The following PSG1 variants were observed in gnomAD, a reference collection of about 807,000 sequenced individuals.
The protein encoded by PSG1 is pregnancy-specific beta-1-glycoprotein 1.
A neutral mutation model predicts 41.4 loss-of-function variants in PSG1; 60 were observed. The ratio of observed to expected loss-of-function variants is 1.45; its 90% confidence interval spans 1.18 to 1.80. PSG1 has a LOEUF of 1.80. PSG1 is among the 40% of genes most tolerant of loss of function. The probability of loss-of-function intolerance (pLI) is 0.00; values close to 1 mark genes in which losing one functional copy is unlikely to be tolerated. For synonymous variants in PSG1, 256 were observed against 192.9 expected, an observed-to-expected ratio of 1.33 and a Z score of -2.71; for missense variants, 806 against 516.9, an observed-to-expected ratio of 1.56 and a Z score of -5.42.
chr19:42,871,658 C>T (rs1349540418), intron 3 of PSG1, 109 bp downstream of exon 3: 3 of 1,609,860 alleles, frequency 1.9e-6, no homozygotes, highest in Non-Finnish European at 2.5e-6. Flanking sequence ...GTTTGATGTC[C>T]AGGGGTAAAG....
At chr19:42,873,171 T>C (rs1276959484) in intron 2 of PSG1, among the ~76,000 whole-genome samples, 1 of 151,734 alleles carries the variant, frequency 6.6e-6, no homozygotes, top group Non-Finnish European at 1.5e-5. Flanking sequence ...TACAGCCTCA[T>C]GCCTATACTT....
chr19:42,877,614 G>T (rs1262979265), intron 2 of PSG1, among the ~76,000 whole-genome samples: 2 of 151,652 alleles, frequency 1.3e-5, no homozygotes, highest in African/African-American at 2.4e-5. Context: ...CTTTCTCAGG[G>T]TCAAATTTAT....
Position 42,871,630 on chromosome 19 carries a change from G to A in PSG1, c.709+137C>T, listed in dbSNP as rs1022783748. The A allele has an allele frequency of 1.0e-5, 16 of 1,598,430 alleles. 1 individual carries two copies. The highest frequency in any genetic ancestry group is 1.7e-5 in the Admixed American group (1 of 59,554). The stretch of plus-strand genomic sequence containing the variant: ...CTAGGTCTACTCTGGTTTGCCTGGG[G>A]CACAAAGTCATGGCCAGGTTTGATG... On this transcript the variant is annotated intron_variant, in intron 3 of 5. Transcript: ENST00000436291.
In PSG1 at chr19:42,867,914, A is replaced by G. The variant is rs912932800; in HGVS notation, c.1243+187T>C. ...GGTCTAGGCTGGGAATATTATGAAG[A>G]TATCAGCCTGTTTGTTAAAGTTTTC... is the stretch of plus-strand genomic sequence containing the variant. On this transcript the variant is annotated intron_variant, in intron 5 of 5. Transcript: ENST00000436291. The G allele has an allele frequency of 1.0e-4, 158 of 1,507,942 alleles. 6 individuals carry two copies. Among genetic ancestry groups the G allele is most frequent in the East Asian group, 2.9e-4 (13 of 44,110 alleles). The allele number at this position is 1,507,942 out of a possible 1,614,324, so 93.4% of individuals were successfully genotyped here.
Position 42,872,093 on chromosome 19 carries a change from C to G in PSG1, c.431-48G>C, listed in dbSNP as rs1600500428. 3.2e-6 allele frequency: 5 copies of G among 1,573,416 alleles called. No individual in the cohort carries two copies. The African/African-American group carries it at 4.1e-5, about 13-fold the overall frequency. ...ATTGCCGTGTGTGGCGCCTTTGATT[C>G]CTCCAAAGGCATTTTTCAATCAGAA... On this transcript the variant is annotated intron_variant, in intron 2 of 5. Transcript: ENST00000436291.
intron 2 of PSG1, among the ~76,000 whole-genome samples, chr19:42,873,243 A>G (rs1435422092): frequency 1.3e-5 from 2 of 151,594 alleles, no homozygotes; most frequent in East Asian, 3.9e-4. Context: ...ATGTCTAATT[A>G]TTTTTTTATT....
intron 2 of PSG1, 148 bp downstream of exon 2, chr19:42,877,765 T>G: frequency 6.6e-7 from 1 of 1,508,044 alleles, no homozygotes; most frequent in South Asian, 1.2e-5. Context: ...GTCTCCTCTG[T>G]GTGTGTCCTG....
At chr19:42,867,725 A>G (rs755929392) in intron 5 of PSG1, 2 of 844,894 alleles carry the variant, frequency 2.4e-6, no homozygotes, top group South Asian at 1.4e-5. Context: ...CCAGAAGTAT[A>G]GTTTATTGAA....
chr19:42,867,710 G>C (rs11083664), intron 5 of PSG1: 2 of 819,004 alleles, frequency 2.4e-6, no homozygotes, highest in Non-Finnish European at 2.2e-6. Context: ...TTTCAATTAC[G>C]GTTCCCAGAA....
chr19:42,876,833 G>A (rs138857048), intron 2 of PSG1: 1,795 of 154,450 alleles, frequency 0.012, 50 homozygotes, highest in Non-Finnish European at 0.019. Context: ...TAAGAAGAGA[G>A]GATTTGAGCC....
At chr19:42,875,181 C>T (rs1215963440) in intron 2 of PSG1, among the ~76,000 whole-genome samples, 3 of 151,738 alleles carry the variant, frequency 2.0e-5, no homozygotes, top group Non-Finnish European at 4.4e-5. Flanking sequence ...CTCACTCATT[C>T]CTGGGCATAG....
chr19:42,867,346 G>A (rs1038819502), intron 5 of PSG1, 196 bp from the exon 6 acceptor site: 5 of 612,588 alleles, frequency 8.2e-6, no homozygotes, highest in East Asian at 2.8e-5. Flanking sequence ...GTTTACATAA[G>A]TGCAGCAAGA....
At chr19:42,879,284 C>T (rs978003432) in intron 1 of PSG1, among the ~76,000 whole-genome samples, 5 of 151,042 alleles carry the variant, frequency 3.3e-5, no homozygotes, top group African/African-American at 9.7e-5. Flanking sequence ...TCCCGAGTAG[C>T]TAGGATTATA....
At chr19:42,869,859 A>C (rs1009564357) in intron 3 of PSG1, 18 of 151,734 alleles carry the variant, frequency 1.2e-4, no homozygotes, top group Admixed American at 1.1e-3. Context: ...GCAAATTCAG[A>C]ACTGACTGGT....
At chr19:42,872,135 C>G in intron 2 of PSG1, 90 bp from the exon 3 acceptor site, 10 of 1,509,038 alleles carry the variant, frequency 6.6e-6, no homozygotes, top group Non-Finnish European at 8.9e-6. Context: ...TTTCCCACCT[C>G]TCAGCCCACC....
rs151216305 is a variant in PSG1 at position 42,867,486 on chromosome 19, C to T, written c.1244-336G>A. The T allele has an allele frequency of 8.8e-5, 51 of 581,508 alleles. 2 individuals carry two copies. The highest frequency in any genetic ancestry group is 7.1e-4 in the African/African-American group (38 of 53,238). 36.0% of individuals were successfully genotyped at this position (581,508 alleles called of 1,614,324 possible). On this transcript the variant is annotated intron_variant, in intron 5 of 5. Coordinates refer to ENST00000436291, the MANE Select transcript of PSG1 (RefSeq NM_001184825.2). ...AAACCAAGGCTGACTTCAGACTTTG[C>T]CTGCAGTTCATATTGGTTCATTCTA...
At position 42,867,020 on chromosome 19, in the gene PSG1, C is replaced by A. The variant is rs771037971; in HGVS notation, c.*114G>T. On this transcript the variant is annotated 3_prime_UTR_variant, in exon 6 of 6. Coordinates refer to ENST00000436291, the MANE Select transcript of PSG1 (RefSeq NM_001184825.2). Reference sequence around the variant, plus strand: ...TCATGCTTCACGTACAAGGGTTTTCCCATGAAATTTACATTGAGTTGTCCA... The same window carrying A: ...TCATGCTTCACGTACAAGGGTTTTCACATGAAATTTACATTGAGTTGTCCA... 3 of 766,610 alleles carry A rather than the reference C, an allele frequency of 3.9e-6. No individual in the cohort carries two copies. Among genetic ancestry groups the A allele is most frequent in the Non-Finnish European group, 7.2e-6 (3 of 417,428 alleles). 47.5% of individuals were successfully genotyped at this position (766,610 alleles called of 1,614,324 possible). A position where few individuals can be genotyped will look rare whatever the true frequency, so the allele number is the denominator to read the frequency against.
Position 42,867,334 on chromosome 19 carries a change from T to C in PSG1, c.1244-184A>G, listed in dbSNP as rs1343424366. 4.8e-6 allele frequency: 3 copies of C among 628,314 alleles called. No individual in the cohort carries two copies. In the African/African-American group the frequency reaches 5.5e-5, roughly 11 times the overall value. 38.9% of individuals were successfully genotyped at this position (628,314 alleles called of 1,614,324 possible). ...TGGAGTTTCTTCAAATGTGGTCTGA[T>C]TGTTTACATAAGTGCAGCAAGAGTA... On this transcript the variant is annotated intron_variant, in intron 5 of 5. Coordinates refer to ENST00000436291, the MANE Select transcript of PSG1 (RefSeq NM_001184825.2).
chr19:42,869,186 A>G, intron 3 of PSG1, 152 bp from the exon 4 acceptor site: 1 of 1,476,524 alleles, frequency 6.8e-7, no homozygotes, highest in Non-Finnish European at 9.1e-7. Flanking sequence ...TAGATGCATG[A>G]TGATCTAAGG....
Sources: gnomAD v4.1 joint callset for allele counts (sites outside exome capture counted in the v4.1 genomes callset) on GRCh38, gnomAD v4.1.1 for gene constraint, MANE v1.5 for transcripts, NCBI Gene and HGNC (gene_info 2026-07-23, HGNC 2026-07-21) for gene names.